The following VEZT variants were observed in gnomAD, a reference collection of about 807,000 sequenced individuals.
The protein encoded by VEZT is vezatin.
A neutral mutation model predicts 79.9 loss-of-function variants in VEZT; 39 were observed. The observed-to-expected ratio is 0.49, with a 90% CI of 0.38 to 0.64. The LOEUF (loss-of-function observed/expected upper bound fraction) is 0.64, where lower values mean the gene tolerates loss of function less well. VEZT is among the 30% of genes least tolerant of loss of function. VEZT has a pLI of 0.00. For missense variants in VEZT, 837 were observed against 893.1 expected (o/e 0.94, Z 0.80); for synonymous variants, 325 against 327.6 (o/e 0.99, Z 0.09).
chr12:95,244,006 CTAAG>C (rs1431477622), intron 1 of VEZT: 12 of 455,970 alleles, frequency 2.6e-5, no homozygotes, highest in South Asian at 1.9e-4. Context: ...GAACTATGAG[CTAAG>C]TAAGCTTCTT....
Position 95,262,994 on chromosome 12 carries a change from AT to A in VEZT, c.348del (p.Ser118ValfsTer57). 6.2e-7 allele frequency: 1 copy of A among 1,613,670 alleles called. No homozygotes were observed. Among genetic ancestry groups the A allele is most frequent in the Non-Finnish European group, 8.5e-7 (1 of 1,179,628 alleles). On this transcript the variant is annotated frameshift_variant, in exon 4 of 12. Transcript: ENST00000436874. LOFTEE classifies it high-confidence loss of function. ...GATGTGGAGCTGATTGAGCTACTTG[AT>A]CCCAGTATCCTGTCTGCAGGGCAAT... is the stretch of plus-strand genomic sequence containing the variant. ...QEDVELIELL[D>X]PSILSAGQSQ...
intron 8 of VEZT, among the ~76,000 whole-genome samples, chr12:95,285,271 T>A (rs2139405571): frequency 6.6e-6 from 1 of 150,454 alleles, no homozygotes; most frequent in Non-Finnish European, 1.5e-5. Flanking sequence ...GGGAAACCCT[T>A]ATCTCTACAA....
intron 1 of VEZT, among the ~76,000 whole-genome samples, chr12:95,235,490 C>A: frequency 7.4e-6 from 1 of 134,646 alleles, no homozygotes; most frequent in African/African-American, 2.8e-5. Flanking sequence ...TAGGGGCGGC[C>A]GGGCAGAGGC....
At chr12:95,283,818 G>A (rs1036764532) in intron 8 of VEZT, among the ~76,000 whole-genome samples, 1 of 152,182 alleles carries the variant, frequency 6.6e-6, no homozygotes, top group Non-Finnish European at 1.5e-5. Flanking sequence ...TTCTAAGAAA[G>A]CAGGTAAATG....
At chr12:95,258,644 C>T (rs987844925) in intron 3 of VEZT, among the ~76,000 whole-genome samples, 6 of 152,070 alleles carry the variant, frequency 3.9e-5, no homozygotes, top group Non-Finnish European at 8.8e-5. Flanking sequence ...GATATCTGAA[C>T]ATTTTACTAA....
chr12:95,288,445 C>G (rs1369475076), intron 9 of VEZT, among the ~76,000 whole-genome samples: 1 of 151,964 alleles, frequency 6.6e-6, no homozygotes, highest in East Asian at 1.9e-4. Context: ...TTGTTTTTAC[C>G]TCACTGATTT....
At chr12:95,252,262 A>T (rs879024738) in intron 2 of VEZT, 191 bp downstream of exon 2, 1 of 466,032 alleles carries the variant, frequency 2.1e-6, no homozygotes, top group African/African-American at 2.0e-5. Flanking sequence ...GGTAATTTAT[A>T]TCCAGTGAGG....
chr12:95,249,521 T>C (rs2062189008), intron 1 of VEZT, among the ~76,000 whole-genome samples: 1 of 152,222 alleles, frequency 6.6e-6, no homozygotes, highest in South Asian at 2.1e-4. Context: ...ATTACTTTTT[T>C]AAAAAATATT....
At chr12:95,288,004 G>T (rs2071434732) in intron 9 of VEZT, 147 bp downstream of exon 9, 1 of 584,634 alleles carries the variant, frequency 1.7e-6, no homozygotes, top group East Asian at 3.2e-5. Flanking sequence ...GAATTTATAT[G>T]TACAAAGTGA....
intron 4 of VEZT, 81 bp from the exon 5 acceptor site, chr12:95,266,276 A>G: frequency 6.3e-6 from 9 of 1,433,734 alleles, no homozygotes; most frequent in Non-Finnish European, 8.4e-6. Context: ...CTAAATTTAA[A>G]TTTTGTTTTT....
chr12:95,288,402 C>T (rs1263984712), intron 9 of VEZT, among the ~76,000 whole-genome samples: 1 of 152,104 alleles, frequency 6.6e-6, no homozygotes, highest in African/African-American at 2.4e-5. Flanking sequence ...GATTTTTCCA[C>T]CAAGCTGCTT....
In VEZT at chr12:95,256,524, A is replaced by G. The variant is rs578165818; in HGVS notation, c.169-626A>G. Reference sequence around the variant, plus strand: ...TTGAAAACAATAGTTACATGTATTTATCTTTTTTCCCATGACCCTTTGCAG... The same window carrying G: ...TTGAAAACAATAGTTACATGTATTTGTCTTTTTTCCCATGACCCTTTGCAG... On this transcript the variant is annotated intron_variant, in intron 2 of 11. Coordinates refer to ENST00000436874, the MANE Select transcript of VEZT (RefSeq NM_017599.4). The G allele has an allele frequency of 3.8e-5, 46 of 1,215,380 alleles. 2 individuals carry two copies. In the South Asian group the frequency reaches 5.9e-4, roughly 16 times the overall value. 75.3% of individuals were successfully genotyped at this position (1,215,380 alleles called of 1,614,324 possible).
chr12:95,286,078 T>G (rs1359758932), intron 8 of VEZT, among the ~76,000 whole-genome samples: 1 of 141,576 alleles, frequency 7.1e-6, no homozygotes, highest in Non-Finnish European at 1.5e-5. Flanking sequence ...CTGCAACCTC[T>G]GCCTCCCACA....
Position 95,300,594 on chromosome 12 carries a change from C to T in VEZT, c.2261C>T (p.Thr754Ile). 6.2e-7 allele frequency: 1 copy of T among 1,613,676 alleles called. No homozygotes were observed. The highest frequency in any genetic ancestry group is 8.5e-7 in the Non-Finnish European group (1 of 1,179,768). The change falls in exon 12 of 12, where the codon ACC becomes ATC. Residue 754 changes from threonine (T) to isoleucine (I), a missense_variant. Transcript: ENST00000436874. ...GCTGCTAGATCTCTCTCCTTTACCA[C>T]CATGCAGGAACAGACTTTTGGTGGT... Reference protein sequence around the residue: ...EVAARSLSFTTMQEQTFGGEE... With the variant: ...EVAARSLSFTIMQEQTFGGEE...
chr12:95,230,181 T>C (rs1406245981), intron 1 of VEZT, among the ~76,000 whole-genome samples: 1 of 152,048 alleles, frequency 6.6e-6, no homozygotes, highest in African/African-American at 2.4e-5. Context: ...TAGTATACAT[T>C]GAGACTTCCT....
At chr12:95,225,978 C>T (rs2058419197) in intron 1 of VEZT, among the ~76,000 whole-genome samples, 1 of 151,788 alleles carries the variant, frequency 6.6e-6, no homozygotes, top group African/African-American at 2.4e-5. Context: ...ATCTCTAGCC[C>T]TAGCTACTCA....
At chr12:95,274,043 A>T (rs903239539) in intron 6 of VEZT, among the ~76,000 whole-genome samples, 1 of 152,222 alleles carries the variant, frequency 6.6e-6, no homozygotes, top group African/African-American at 2.4e-5. Flanking sequence ...TGTGTATTTC[A>T]GATAACGTTC....
chr12:95,296,061 C>T lies in VEZT; in HGVS notation c.1634C>T (p.Ala545Val). ...DPIPEEQELEAYVDDIDIDSD... is the reference protein window; with the variant it reads ...DPIPEEQELEVYVDDIDIDSD... ...TCTATTCATTTTCAGGAATTAGAAG[C>T]TTATGTAGATGATATAGATATTGAT... The change falls in exon 11 of 12, where the codon GCT (alanine) becomes GTT (valine). Residue 545 changes from alanine to valine, a missense_variant. By Grantham distance (64) the Ala-to-Val change is moderately conservative. Transcript: ENST00000436874. 6.5e-7 allele frequency: 1 copy of T among 1,545,670 alleles called. No individual in the cohort carries two copies. Among genetic ancestry groups the T allele is most frequent in the Non-Finnish European group, 8.7e-7 (1 of 1,144,440 alleles).
At chr12:95,274,100 T>A (rs1470475825) in intron 6 of VEZT, among the ~76,000 whole-genome samples, 1 of 152,154 alleles carries the variant, frequency 6.6e-6, no homozygotes, top group Non-Finnish European at 1.5e-5. Context: ...AAAGAATATT[T>A]ACTATAGCAT....
Sources: gnomAD v4.1 joint callset for allele counts (sites outside exome capture counted in the v4.1 genomes callset) on GRCh38, gnomAD v4.1.1 for gene constraint, MANE v1.5 for transcripts, NCBI Gene and HGNC (gene_info 2026-07-23, HGNC 2026-07-21) for gene names.